Variants in DCLRE1C observed in about 807,000 individuals in gnomAD.
DCLRE1C encodes the protein DNA cross-link repair 1C.
In DCLRE1C, 47 loss-of-function variants were observed where a neutral mutation model predicts 61.4. The observed-to-expected ratio is 0.77, with a 90% CI of 0.61 to 0.98. DCLRE1C has a LOEUF of 0.98. Among genes scored for constraint, DCLRE1C ranks in the 50% least tolerant of loss-of-function variants. The probability of loss-of-function intolerance (pLI) is 0.00; values close to 1 mark genes in which losing one functional copy is unlikely to be tolerated. For synonymous variants in DCLRE1C, 337 were observed against 287.6 expected, an observed-to-expected ratio of 1.17 and a Z score of -1.74; for missense variants, 858 against 816.0, an observed-to-expected ratio of 1.05 and a Z score of -0.63.
intron 2 of DCLRE1C, chr10:14,947,470 T>C (rs1841869229): frequency 1.3e-5 from 2 of 152,196 alleles, no homozygotes; most frequent in African/African-American, 4.8e-5. Flanking sequence ...CATTTTGAAG[T>C]AATTTGTTAC....
chr10:14,940,082 G>A (rs1323906799), intron 3 of DCLRE1C, among the ~76,000 whole-genome samples: 2 of 152,026 alleles, frequency 1.3e-5, no homozygotes, highest in East Asian at 1.9e-4. Flanking sequence ...CGGAGTAAAC[G>A]CCTTGTAAAT....
chr10:14,922,605 G>A (rs1156412064), intron 12 of DCLRE1C, among the ~76,000 whole-genome samples: 1 of 152,130 alleles, frequency 6.6e-6, no homozygotes, highest in African/African-American at 2.4e-5. Context: ...CATGGTGCTA[G>A]GTGCTTTTCT....
intron 9 of DCLRE1C, among the ~76,000 whole-genome samples, chr10:14,929,687 A>AG (rs112874032): frequency 0.091 from 13,784 of 152,184 alleles, 1,253 homozygotes; most frequent in East Asian, 0.28. Context: ...ATAAATTTGG[A>AG]GGGAAAAAAA....
chr10:14,919,636 C>G, intron 13 of DCLRE1C, 102 bp downstream of exon 13: 1 of 879,146 alleles, frequency 1.1e-6, no homozygotes, highest in Non-Finnish European at 1.9e-6. Flanking sequence ...TGGTGGGTCC[C>G]AGGTCCACTC....
Position 14,934,306 on chromosome 10 carries a change from C to T in DCLRE1C, c.678+74G>A, listed in dbSNP as rs1429188751. ...TCGCGTCACTACACTCCAGCCTGGGCAACATAGCAAGACTCCCTCTCAAAA... is the reference window on the plus strand; with the variant it reads ...TCGCGTCACTACACTCCAGCCTGGGTAACATAGCAAGACTCCCTCTCAAAA... On this transcript the variant is annotated intron_variant, in intron 8 of 13. Transcript: ENST00000378278. 9.6e-6 allele frequency: 15 copies of T among 1,558,240 alleles called. No homozygotes were observed. The African/African-American group carries it at 1.4e-4, about 14-fold the overall frequency.
In DCLRE1C at chr10:14,939,998, T is replaced by A. The variant is rs370721458; in HGVS notation, c.247-129A>T. On this transcript the variant is annotated intron_variant, in intron 3 of 13. Coordinates refer to ENST00000378278, the MANE Select transcript of DCLRE1C (RefSeq NM_001033855.3). ...CTCTATATAAACAATTCCGATTACA[T>A]TGTAATAAATATTTTAACAGTTAGA... 7.5e-6 allele frequency: 5 copies of A among 663,238 alleles called. No individual in the cohort carries two copies. In the African/African-American group the frequency reaches 9.2e-5, roughly 12 times the overall value. The allele number at this position is 663,238 out of a possible 1,614,324, so 41.1% of individuals were successfully genotyped here.
chr10:14,942,774 C>A (rs987637420), intron 3 of DCLRE1C, among the ~76,000 whole-genome samples: 1 of 152,090 alleles, frequency 6.6e-6, no homozygotes, highest in Non-Finnish European at 1.5e-5. Flanking sequence ...AGGCATGGGC[C>A]TTTTTGTCAG....
At chr10:14,932,668 C>T (rs1839222232) in intron 9 of DCLRE1C, among the ~76,000 whole-genome samples, 186 bp downstream of exon 9, 1 of 152,078 alleles carries the variant, frequency 6.6e-6, no homozygotes, top group Non-Finnish European at 1.5e-5. Context: ...TGTCTATTTA[C>T]TAGTGACGAA....
rs754267820 is a variant in DCLRE1C, at chr10:14,934,474, G to A, written c.584C>T (p.Thr195Ile). The A allele has an allele frequency of 6.2e-7, 1 of 1,614,224 alleles. No homozygotes were observed. Among genetic ancestry groups the A allele is most frequent in the South Asian group, 1.1e-5 (1 of 91,088 alleles). ...CCACACAACATGGTACGGGCTCCGA[G>A]TGATCCAGCTTCGGACCAGCTCTAA... ...GVLELVRSWI[T>I]RSPYHVVWLN... Residue 195 changes from threonine (T) to isoleucine (I), a missense_variant, in exon 8 of 14, where the codon ACT (threonine) becomes ATT (isoleucine). By Grantham distance (89) the Thr-to-Ile change is moderately conservative. Transcript: ENST00000378278.
At position 14,921,551 on chromosome 10, in the gene DCLRE1C, G is replaced by A. The variant is rs200913567; in HGVS notation, c.1061+1430C>T. Among the ~76,000 whole-genome samples, 18 of 151,966 alleles carry A rather than the reference G, an allele frequency of 1.2e-4. No homozygotes were observed. The East Asian group carries it at 3.3e-3, about 28-fold the overall frequency. ...TTTCCTCACTTTTTACCTATTTCTC[G>A]ACTGAAATCTGGCTTGTAACTCACA... is the stretch of plus-strand genomic sequence containing the variant. On this transcript the variant is annotated intron_variant, in intron 12 of 13. Transcript: ENST00000378278.
intron 13 of DCLRE1C, chr10:14,911,270 CAAG>C (rs1451341832): frequency 6.6e-6 from 1 of 152,164 alleles, no homozygotes; most frequent in Admixed American, 6.5e-5. Context: ...GTAAAAGAAC[CAAG>C]AAGAGCCTTG....
intron 11 of DCLRE1C, among the ~76,000 whole-genome samples, chr10:14,926,564 G>T (rs922529086): frequency 2.0e-5 from 3 of 149,596 alleles, no homozygotes; most frequent in Non-Finnish European, 4.4e-5. Flanking sequence ...TGAGGCAGGA[G>T]AATCACCTGA....
chr10:14,947,849 C>G (rs1841919583), intron 2 of DCLRE1C, among the ~76,000 whole-genome samples: 1 of 152,106 alleles, frequency 6.6e-6, no homozygotes, highest in Non-Finnish European at 1.5e-5. Context: ...CACTTGAGGT[C>G]AGGAGTTCGA....
intron 1 of DCLRE1C, among the ~76,000 whole-genome samples, chr10:14,951,052 G>A (rs982292093): frequency 5.9e-5 from 9 of 152,096 alleles, no homozygotes; most frequent in African/African-American, 2.2e-4. Flanking sequence ...ATAAGCATCA[G>A]GTGGGTCCAT....
chr10:14,919,703 G>A (rs1836783597), intron 13 of DCLRE1C, 35 bp downstream of exon 13: 2 of 1,517,870 alleles, frequency 1.3e-6, no homozygotes, highest in Non-Finnish European at 1.8e-6. Flanking sequence ...TTTGCAGGGA[G>A]CCCACCCCTC....
In DCLRE1C at chr10:14,899,598, G is replaced by A. The variant is rs190174096; in HGVS notation, c.1157-286C>T. On this transcript the variant is annotated intron_variant, in intron 13 of 13. Transcript: ENST00000378289. ...AGTTCTATGACAACAAGGGAATCAC[G>A]TATCTCTTTGATCTGGACTATGAGT... 4.5e-5 allele frequency: 73 copies of A among 1,614,126 alleles called. 1 individual carries two copies. Among genetic ancestry groups the A allele is most frequent in the East Asian group, 2.0e-4 (9 of 44,878 alleles).
intron 4 of DCLRE1C, among the ~76,000 whole-genome samples, chr10:14,938,695 G>C (rs1408735609): frequency 2.6e-5 from 4 of 152,000 alleles, no homozygotes; most frequent in African/African-American, 9.7e-5. Flanking sequence ...TTTTCCACTT[G>C]GCAGAGCCCC....
intron 4 of DCLRE1C, among the ~76,000 whole-genome samples, chr10:14,939,600 T>A (rs1268328855): frequency 6.6e-6 from 1 of 152,146 alleles, no homozygotes; most frequent in Admixed American, 6.6e-5. Context: ...CCAAATGGAC[T>A]TACACAATCA....
chr10:14,943,583 C>T (rs1477720620), intron 3 of DCLRE1C, among the ~76,000 whole-genome samples: 7 of 152,124 alleles, frequency 4.6e-5, no homozygotes, highest in East Asian at 1.9e-4. Context: ...GATGGAGTCT[C>T]GCTCTGTCAC....
Sources: gnomAD v4.1 joint callset for allele counts (sites outside exome capture counted in the v4.1 genomes callset) on GRCh38, gnomAD v4.1.1 for gene constraint, MANE v1.5 for transcripts, NCBI Gene and HGNC (gene_info 2026-07-23, HGNC 2026-07-21) for gene names.